ALG8: variants seen among roughly 807,000 people sequenced by gnomAD.
ALG8 encodes the protein ALG8 alpha-1,3-glucosyltransferase.
ALG8 carries 48 observed loss-of-function variants against 70.2 expected under a neutral mutation model. The observed-to-expected ratio is 0.68, with a 90% CI of 0.54 to 0.87. The LOEUF (loss-of-function observed/expected upper bound fraction) is 0.87. Ranked by LOEUF, ALG8 falls within the 40% of genes least tolerant of loss-of-function variation. The pLI, the probability that ALG8 is intolerant of heterozygous loss-of-function variation, is 0.00. For synonymous variants in ALG8, 234 were observed against 229.0 expected (o/e 1.02, Z -0.20); for missense variants, 572 against 608.7 (o/e 0.94, Z 0.64).
chr11:78,123,959 C>G (rs902529701), intron 3 of ALG8, 62 bp downstream of exon 3: 2 of 1,546,094 alleles, frequency 1.3e-6, no homozygotes, highest in Middle Eastern at 1.7e-4. Context: ...TAAGTTAATA[C>G]TACTTAACAC....
chr11:78,108,621 T>C (rs1185290690), intron 9 of ALG8, among the ~76,000 whole-genome samples: 3 of 152,226 alleles, frequency 2.0e-5, no homozygotes, highest in African/African-American at 7.2e-5. Flanking sequence ...AATAAATACT[T>C]AGTTTTATTG....
intron 1 of ALG8, among the ~76,000 whole-genome samples, chr11:78,137,089 C>T (rs904172800): frequency 5.9e-5 from 9 of 152,076 alleles, no homozygotes; most frequent in Non-Finnish European, 7.4e-5. Context: ...TTAGTAGAGA[C>T]GAGATTTCTC....
chr11:78,121,043 G>A (rs991765683), intron 4 of ALG8, 22 bp downstream of exon 4: 6 of 1,545,484 alleles, frequency 3.9e-6, no homozygotes, highest in South Asian at 2.2e-5. Flanking sequence ...TAAGGGAATA[G>A]TACATAGAAT....
At chr11:78,138,077 G>T (rs1861621969) in intron 1 of ALG8, among the ~76,000 whole-genome samples, 1 of 152,172 alleles carries the variant, frequency 6.6e-6, no homozygotes, top group African/African-American at 2.4e-5. Context: ...CAGGCACGGT[G>T]GCTCATGCCT....
In ALG8 at chr11:78,119,246, A is replaced by AT; in HGVS notation, c.481dup (p.Ile161AsnfsTer63). ...TAAAAAGCCATTGTACTGAAAATGA[A>AT]TATCTGGACTTAGGTCAAGGAAAGA... On this transcript the variant is annotated frameshift_variant, in exon 5 of 13. Coordinates refer to ENST00000299626, the MANE Select transcript of ALG8 (RefSeq NM_024079.5). LOFTEE classifies it high-confidence loss of function. 6.2e-7 allele frequency: 1 copy of AT among 1,610,156 alleles called. No homozygotes were observed. Among genetic ancestry groups the AT allele is most frequent in the African/African-American group, 1.3e-5 (1 of 74,956 alleles).
intron 1 of ALG8, among the ~76,000 whole-genome samples, chr11:78,132,614 T>C (rs1861351609): frequency 6.6e-6 from 1 of 152,088 alleles, no homozygotes; most frequent in Admixed American, 6.6e-5. Flanking sequence ...GCTGCCCAAA[T>C]AGGTCAATAC....
chr11:78,107,074 C>T lies in ALG8; in HGVS notation c.1039-128G>A, dbSNP rs693450. ...AATCTTAGACAATTCTTCATGAAAC[C>T]GAATCATTCATCACTTTGTGCACAG... On this transcript the variant is annotated intron_variant, in intron 9 of 12. Coordinates refer to ENST00000299626, the MANE Select transcript of ALG8 (RefSeq NM_024079.5). The T allele has an allele frequency of 6.9e-6, 8 of 1,161,120 alleles. No homozygotes were observed. In the East Asian group the frequency reaches 1.3e-4, roughly 19 times the overall value. 71.9% of individuals were successfully genotyped at this position (1,161,120 alleles called of 1,614,324 possible).
intron 1 of ALG8, among the ~76,000 whole-genome samples, chr11:78,130,832 T>C (rs1422128969): frequency 6.6e-6 from 1 of 152,160 alleles, no homozygotes; most frequent in Non-Finnish European, 1.5e-5. Context: ...TGAAATTTTT[T>C]TAGATGGATG....
At chr11:78,104,163 T>G in intron 11 of ALG8, 111 bp from the exon 12 acceptor site, 1 of 917,462 alleles carries the variant, frequency 1.1e-6, no homozygotes, top group Admixed American at 2.9e-5. Flanking sequence ...ATAATACTTT[T>G]TAAGTTTAAT....
In ALG8 at chr11:78,113,662, G is replaced by A. The variant is rs528934154; in HGVS notation, c.777+224C>T. On this transcript the variant is annotated intron_variant, in intron 7 of 12. Coordinates refer to ENST00000299626, the MANE Select transcript of ALG8 (RefSeq NM_024079.5). ...CAGGAGGTGGAGGTTGCAGTGAGCC[G>A]AGATCACGCCACTGCATTCCAGCCT... 2.0e-5 allele frequency among the ~76,000 whole-genome samples: 3 copies of A among 149,862 alleles called. No homozygotes were observed. The Admixed American group carries it at 2.0e-4, about 10-fold the overall frequency.
At chr11:78,139,416 G>A in intron 1 of ALG8, 78 bp downstream of exon 1, 3 of 1,354,536 alleles carry the variant, frequency 2.2e-6, no homozygotes, top group South Asian at 1.2e-5. Context: ...CATACCCAGG[G>A]ATATCCACAC....
chr11:78,125,898 GCCTGTAATCCCA>G (rs1861049990), intron 2 of ALG8, among the ~76,000 whole-genome samples: 1 of 151,978 alleles, frequency 6.6e-6, no homozygotes, highest in Non-Finnish European at 1.5e-5. Context: ...AGTGGCTCAC[GCCTGTAATCCCA>G]GCACTTTGGG....
chr11:78,104,566 T>A (rs749108343), intron 10 of ALG8, 113 bp from the exon 11 acceptor site: 55 of 975,750 alleles, frequency 5.6e-5, no homozygotes, highest in Non-Finnish European at 7.9e-5. Context: ...AAGAACATGC[T>A]GATTTTGGCA....
In ALG8 at chr11:78,123,982, T is replaced by G. The variant is rs367931188; in HGVS notation, c.368+39A>C. Reference sequence around the variant, plus strand: ...TACTACTTAACACTGTACTATTTTTTCAATACCTTCCATACAAAATGACAT... The same window carrying G: ...TACTACTTAACACTGTACTATTTTTGCAATACCTTCCATACAAAATGACAT... On this transcript the variant is annotated intron_variant, in intron 3 of 12. Coordinates refer to ENST00000299626, the MANE Select transcript of ALG8 (RefSeq NM_024079.5). 8.8e-5 allele frequency: 142 copies of G among 1,608,396 alleles called. No homozygotes were observed. In the East Asian group the frequency reaches 1.0e-3, roughly 11 times the overall value.
rs147266083 is a variant in ALG8 at position 78,131,906 on chromosome 11, T to C, written c.96-4470A>G. Among the ~76,000 whole-genome samples the C allele has an allele frequency of 3.2e-3, 481 of 152,358 alleles. 1 individual carries two copies. Among genetic ancestry groups the C allele is most frequent in the Non-Finnish European group, 5.0e-3 (339 of 68,036 alleles). ...TTGCAGCCAAAGTAGTATTTCTAAATCACGAATGTTATATTTCCCTTTTAA... is the reference window on the plus strand; with the variant it reads ...TTGCAGCCAAAGTAGTATTTCTAAACCACGAATGTTATATTTCCCTTTTAA... On this transcript the variant is annotated intron_variant, in intron 1 of 12. Transcript: ENST00000299626.
Position 78,111,162 on chromosome 11 carries a change from C to T in ALG8, c.898+1488G>A, listed in dbSNP as rs760478097. 6.6e-5 allele frequency among the ~76,000 whole-genome samples: 10 copies of T among 152,264 alleles called. No homozygotes were observed. The Middle Eastern group carries it at 0.017, about 259-fold the overall frequency. ...TTATCAAAAACAGTAATAGTGGCCA[C>T]CATGCATGGAGCGTCTACCATGTGC... is the stretch of plus-strand genomic sequence containing the variant. On this transcript the variant is annotated intron_variant, in intron 8 of 12. Transcript: ENST00000299626.
chr11:78,107,952 C>T (rs1860119706), intron 9 of ALG8, among the ~76,000 whole-genome samples: 1 of 151,800 alleles, frequency 6.6e-6, no homozygotes, highest in South Asian at 2.1e-4. Context: ...CAAGACCAGC[C>T]TGGCCAAGAT....
At chr11:78,104,811 A>G (rs1859944020) in intron 10 of ALG8, among the ~76,000 whole-genome samples, 1 of 152,092 alleles carries the variant, frequency 6.6e-6, no homozygotes, top group Non-Finnish European at 1.5e-5. Context: ...TAAAAATACA[A>G]AAATTAGCTG....
chr11:78,104,631 A>G (rs1590804030), intron 10 of ALG8, 178 bp from the exon 11 acceptor site: 1 of 594,156 alleles, frequency 1.7e-6, no homozygotes, highest in East Asian at 3.0e-5. Flanking sequence ...TTAAGCAATC[A>G]ATAGCATGTA....
Sources: allele counts gnomAD v4.1 joint callset (sites outside exome capture counted in the v4.1 genomes callset), GRCh38; gene constraint gnomAD v4.1.1; transcripts MANE v1.5; gene names NCBI Gene and HGNC (gene_info 2026-07-23, HGNC 2026-07-21).